The following KLHL13 variants were observed in gnomAD, a reference collection of about 807,000 sequenced individuals.
KLHL13 encodes kelch-like protein 13.
KLHL13 carries 10 observed loss-of-function variants against 37.1 expected under a neutral mutation model. That is an observed-to-expected ratio of 0.27 (90% CI 0.17 to 0.46). The LOEUF (loss-of-function observed/expected upper bound fraction) is 0.46. KLHL13 is among the 20% of genes least tolerant of loss of function. The pLI, the probability that KLHL13 is intolerant of heterozygous loss-of-function variation, is 1.00. For missense variants in KLHL13, 360 were observed against 509.3 expected (o/e 0.71, Z 2.82); for synonymous variants, 163 against 181.2 (o/e 0.90, Z 0.81).
chrX:117,988,166 A>C (rs1472504080), intron 1 of KLHL13, among the ~76,000 whole-genome samples: 1 of 112,235 alleles, frequency 8.9e-6, no homozygotes, highest in African/African-American at 3.2e-5. Flanking sequence ...TTTGATTAGA[A>C]TAGGTGTTTT....
At chrX:118,081,162 T>C (rs1477067137) in intron 1 of KLHL13, among the ~76,000 whole-genome samples, 1 of 111,573 alleles carries the variant, frequency 9.0e-6, no homozygotes, top group African/African-American at 3.3e-5. Context: ...TATTGGGTAT[T>C]GTGCATGCTA....
intron 1 of KLHL13, among the ~76,000 whole-genome samples, chrX:118,110,199 G>A (rs1458708787): frequency 9.1e-6 from 1 of 110,015 alleles, no homozygotes; most frequent in African/African-American, 3.3e-5. Flanking sequence ...ATTAACTCTT[G>A]GGTTTTCCTT....
intron 1 of KLHL13, among the ~76,000 whole-genome samples, chrX:118,090,478 G>C (rs2055118564): frequency 8.9e-6 from 1 of 111,850 alleles, no homozygotes; most frequent in African/African-American, 3.3e-5. Flanking sequence ...GATATCAACA[G>C]ACACTTCTCA....
At chrX:118,089,996 G>A (rs922933123) in intron 1 of KLHL13, among the ~76,000 whole-genome samples, 3 of 106,124 alleles carry the variant, frequency 2.8e-5, no homozygotes, top group Non-Finnish European at 3.9e-5. Flanking sequence ...CAGAAGAATC[G>A]CTTGAACCGG....
chrX:118,024,051 G>T (rs2054249192), intron 1 of KLHL13, among the ~76,000 whole-genome samples: 1 of 112,172 alleles, frequency 8.9e-6, no homozygotes, highest in Admixed American at 9.5e-5. Context: ...AAGGTTACAA[G>T]AGAAGACTCA....
intron 1 of KLHL13, among the ~76,000 whole-genome samples, chrX:118,108,266 C>A (rs375443346): frequency 1.8e-5 from 2 of 112,148 alleles, no homozygotes; most frequent in South Asian, 3.7e-4. Flanking sequence ...ATCCTCTATA[C>A]CCATGTCCTT....
At chrX:118,029,062 T>G (rs150984070) in intron 1 of KLHL13, among the ~76,000 whole-genome samples, 6,089 of 110,992 alleles carry the variant, frequency 0.055, 409 homozygotes, top group African/African-American at 0.19. Flanking sequence ...ACTCTCCACG[T>G]TTTCAGGCAT....
chrX:118,022,023 A>T (rs184019500), intron 1 of KLHL13, among the ~76,000 whole-genome samples: 1 of 112,129 alleles, frequency 8.9e-6, no homozygotes, highest in Non-Finnish European at 1.9e-5. Flanking sequence ...TGTTGGCTGC[A>T]TAAATGTCTT....
intron 1 of KLHL13, among the ~76,000 whole-genome samples, chrX:118,040,350 A>G: frequency 9.0e-6 from 1 of 111,456 alleles, no homozygotes; most frequent in East Asian, 2.8e-4. Context: ...ATGAACCTCA[A>G]TGAAATTAAA....
intron 1 of KLHL13, among the ~76,000 whole-genome samples, chrX:118,064,923 C>CAT (rs774100303): frequency 1.1e-4 from 12 of 111,536 alleles, no homozygotes; most frequent in Non-Finnish European, 1.9e-4. Context: ...TGTTGGGTCT[C>CAT]ATATCTTCCC....
chrX:118,064,681 TAATA>T (rs1321168129), intron 1 of KLHL13, among the ~76,000 whole-genome samples: 1 of 111,832 alleles, frequency 8.9e-6, no homozygotes, highest in Non-Finnish European at 1.9e-5. Flanking sequence ...TAGAAAAGTT[TAATA>T]AATATACTTT....
intron 1 of KLHL13, among the ~76,000 whole-genome samples, chrX:118,007,979 G>A (rs902522598): frequency 8.9e-6 from 1 of 111,915 alleles, no homozygotes; most frequent in Non-Finnish European, 1.9e-5. Flanking sequence ...AGAAAACCAA[G>A]TGTCGAATGG....
chrX:118,005,614 A>C (rs970972262), intron 1 of KLHL13, among the ~76,000 whole-genome samples: 15 of 111,669 alleles, frequency 1.3e-4, no homozygotes, highest in Non-Finnish European at 2.8e-4. Flanking sequence ...GATGTGAGAA[A>C]GATTTGACCC....
At position 118,095,917 on chromosome X, in the gene KLHL13, A is replaced by G. The variant is rs761517614; in HGVS notation, c.-56+20591T>C. 3.0e-4 allele frequency among the ~76,000 whole-genome samples: 33 copies of G among 111,521 alleles called. No homozygotes were observed. In the South Asian group the frequency reaches 0.012, roughly 39 times the overall value. On this transcript the variant is annotated intron_variant, in intron 1 of 6. Transcript: ENST00000371882. ...GACAACATACCAGAATCTCTGGGAC[A>G]CATTCAAAGCAGTGTGTAGAGGGAA...
chrX:118,031,715 T>C (rs2054351284), intron 1 of KLHL13, among the ~76,000 whole-genome samples: 1 of 104,194 alleles, frequency 9.6e-6, no homozygotes, highest in South Asian at 4.1e-4. Flanking sequence ...GACAAATATA[T>C]ATTTGAAAAT....
intron 1 of KLHL13, among the ~76,000 whole-genome samples, chrX:118,019,373 T>C (rs1569292985): frequency 9.0e-6 from 1 of 110,756 alleles, no homozygotes; most frequent in South Asian, 3.7e-4. Flanking sequence ...TTTGAGCTCA[T>C]TGTAGATTCT....
upstream of KLHL13, among the ~76,000 whole-genome samples, chrX:117,975,239 T>C (rs1284104750): frequency 9.0e-6 from 1 of 111,218 alleles, no homozygotes; most frequent in Non-Finnish European, 1.9e-5. Flanking sequence ...GTTTGAAATG[T>C]CTTATTCCAC....
At chrX:117,910,166 A>G in intron 4 of KLHL13, 70 bp from the exon 6 acceptor site, 1 of 735,868 alleles carries the variant, frequency 1.4e-6, no homozygotes, top group Non-Finnish European at 2.0e-6. Flanking sequence ...TAGCACAAAT[A>G]CCTGTTCTAG....
intron 1 of KLHL13, among the ~76,000 whole-genome samples, chrX:118,095,536 C>T (rs1232496649): frequency 9.0e-6 from 1 of 111,307 alleles, no homozygotes; most frequent in Non-Finnish European, 1.9e-5. Context: ...CTGCACCAAG[C>T]GGACCTAACA....
Sources: allele counts gnomAD v4.1 joint callset (sites outside exome capture counted in the v4.1 genomes callset), GRCh38; gene constraint gnomAD v4.1.1; transcripts MANE v1.5; gene names NCBI Gene and HGNC (gene_info 2026-07-23, HGNC 2026-07-21).